Variants in RGS7 observed in about 807,000 individuals in gnomAD.
RGS7 encodes the protein regulator of G-protein signaling 7.
In RGS7, 27 loss-of-function variants were observed where a neutral mutation model predicts 81.1. That is an observed-to-expected ratio of 0.33 (90% CI 0.25 to 0.46). The LOEUF (loss-of-function observed/expected upper bound fraction) is 0.46, where lower values mean the gene tolerates loss of function less well. Ranked by LOEUF, RGS7 falls within the 20% of genes least tolerant of loss-of-function variation. RGS7 has a pLI of 1.00. For missense variants in RGS7, 396 were observed against 607.4 expected (o/e 0.65, Z 3.66); for synonymous variants, 208 against 207.7 (o/e 1.00, Z -0.01).
intron 3 of RGS7, among the ~76,000 whole-genome samples, chr1:241,094,238 AACACACACACAC>A (rs149481776): frequency 7.3e-5 from 10 of 136,464 alleles, no homozygotes; most frequent in African/African-American, 1.8e-4. Flanking sequence ...GACATACATA[AACACACACACAC>A]ACACACACAC....
intron 18 of RGS7, among the ~76,000 whole-genome samples, chr1:240,793,649 GC>G (rs1686486311): frequency 1.7e-5 from 2 of 115,410 alleles, no homozygotes; most frequent in African/African-American, 7.9e-5. Flanking sequence ...TTGCACTGTC[GC>G]CCAGGCTGGA....
At chr1:241,148,056 T>C (rs904438850) in intron 2 of RGS7, among the ~76,000 whole-genome samples, 1 of 140,700 alleles carries the variant, frequency 7.1e-6, no homozygotes, top group African/African-American at 2.6e-5. Context: ...TTTTTCTTTT[T>C]TTTTTTTTTT....
At chr1:240,979,774 G>A (rs1684659138) in intron 4 of RGS7, among the ~76,000 whole-genome samples, 1 of 152,182 alleles carries the variant, frequency 6.6e-6, no homozygotes, top group Non-Finnish European at 1.5e-5. Flanking sequence ...AGCCACCACA[G>A]AAGACTGAGA....
At chr1:241,238,514 C>A (rs2076099513) in intron 2 of RGS7, among the ~76,000 whole-genome samples, 2 of 151,224 alleles carry the variant, frequency 1.3e-5, no homozygotes, top group Admixed American at 1.3e-4. Context: ...TTTGCAGCAA[C>A]TTTACTCACC....
At chr1:240,793,611 A>ATATATATATATATATTTTT in intron 18 of RGS7, among the ~76,000 whole-genome samples, 33 of 78,790 alleles carry the variant, frequency 4.2e-4, no homozygotes, top group African/African-American at 1.7e-3. Context: ...ATATATATAT[A>ATATATATATATATATTTTT]TTTTTTTTTT....
chr1:241,223,710 CAA>C (rs60885152), intron 2 of RGS7, among the ~76,000 whole-genome samples: 76 of 135,022 alleles, frequency 5.6e-4, no homozygotes, highest in Middle Eastern at 3.8e-3. Flanking sequence ...TTAGACATTG[CAA>C]AAAAAAAAAA....
At chr1:240,895,902 C>T (rs190728888) in intron 6 of RGS7, among the ~76,000 whole-genome samples, 53 of 152,312 alleles carry the variant, frequency 3.5e-4, no homozygotes, top group African/African-American at 1.2e-3. Context: ...ACAGTCCCAC[C>T]AACAGTGTAA....
intron 6 of RGS7, among the ~76,000 whole-genome samples, chr1:240,886,887 T>C (rs1426005090): frequency 3.9e-5 from 6 of 152,230 alleles, no homozygotes; most frequent in Non-Finnish European, 7.3e-5. Flanking sequence ...ACATGCCATG[T>C]GGTATAATAG....
chr1:240,807,424 A>G (rs766077307), intron 14 of RGS7, among the ~76,000 whole-genome samples: 2 of 152,228 alleles, frequency 1.3e-5, no homozygotes, highest in African/African-American at 2.4e-5. Context: ...AGCAAACTTC[A>G]GGCTACAGAG....
intron 3 of RGS7, among the ~76,000 whole-genome samples, chr1:240,989,907 G>C (rs192390556): frequency 3.8e-4 from 58 of 152,312 alleles, no homozygotes; most frequent in African/African-American, 1.4e-3. Context: ...TGGAGGCAGA[G>C]ACTGTCATCC....
intron 3 of RGS7, among the ~76,000 whole-genome samples, chr1:241,023,946 G>T (rs1050084267): frequency 3.3e-5 from 5 of 152,154 alleles, no homozygotes; most frequent in African/African-American, 1.2e-4. Flanking sequence ...GTTTCTCCAT[G>T]TTGGTCAGGT....
intron 2 of RGS7, among the ~76,000 whole-genome samples, chr1:241,104,282 T>C (rs985697070): frequency 1.3e-5 from 2 of 152,188 alleles, no homozygotes. Flanking sequence ...AAAGATGCTG[T>C]AGTTAAGTGC....
intron 4 of RGS7, among the ~76,000 whole-genome samples, chr1:240,981,672 T>G (rs973458259): frequency 1.1e-4 from 17 of 152,202 alleles, no homozygotes; most frequent in Admixed American, 9.8e-4. Context: ...ATGCTGGCAA[T>G]AGCTGCTTTG....
intron 2 of RGS7, among the ~76,000 whole-genome samples, chr1:241,286,845 T>C (rs1038045125): frequency 6.6e-6 from 1 of 152,166 alleles, no homozygotes; most frequent in Non-Finnish European, 1.5e-5. Flanking sequence ...TCTTATTCTG[T>C]CTGGTGGCCT....
intron 5 of RGS7, among the ~76,000 whole-genome samples, chr1:240,933,160 G>GTAATCCCACC (rs1321271962): frequency 1.3e-5 from 2 of 151,792 alleles, no homozygotes; most frequent in Non-Finnish European, 2.9e-5. Flanking sequence ...GGGATTACAG[G>GTAATCCCACC]TGTGAGCCAC....
intron 2 of RGS7, among the ~76,000 whole-genome samples, chr1:241,293,276 A>C (rs1329639899): frequency 6.6e-6 from 1 of 152,258 alleles, no homozygotes; most frequent in Non-Finnish European, 1.5e-5. Flanking sequence ...CATACAGTAC[A>C]TAATACTTAC....
At chr1:241,212,352 CACCTGAG>C (rs2074291888) in intron 2 of RGS7, among the ~76,000 whole-genome samples, 1 of 152,140 alleles carries the variant, frequency 6.6e-6, no homozygotes, top group African/African-American at 2.4e-5. Context: ...GTGGGTGTGT[CACCTGAG>C]AGGTGACACA....
chr1:241,120,524 G>C (rs2066179363), intron 2 of RGS7, among the ~76,000 whole-genome samples: 1 of 151,832 alleles, frequency 6.6e-6, no homozygotes, highest in African/African-American at 2.4e-5. Context: ...ATTTTTATCT[G>C]TTGTAGAGAT....
intron 6 of RGS7, among the ~76,000 whole-genome samples, chr1:240,872,334 G>A (rs535634429): frequency 6.6e-6 from 1 of 152,242 alleles, no homozygotes; most frequent in South Asian, 2.1e-4. Context: ...GCTTATTTCT[G>A]TGGTCTTAGC....
Sources: allele counts gnomAD v4.1 joint callset (sites outside exome capture counted in the v4.1 genomes callset), GRCh38; gene constraint gnomAD v4.1.1; transcripts MANE v1.5; gene names NCBI Gene and HGNC (gene_info 2026-07-23, HGNC 2026-07-21).